CYP19A1: variants seen among roughly 807,000 people sequenced by gnomAD.
CYP19A1 encodes the protein aromatase.
A neutral mutation model predicts 44.4 loss-of-function variants in CYP19A1; 32 were observed. The observed-to-expected ratio is 0.72, with a 90% CI of 0.54 to 0.97. The LOEUF is 0.97. Among genes scored for constraint, CYP19A1 ranks in the 50% least tolerant of loss-of-function variants. The pLI is 0.00. For missense variants in CYP19A1, 598 were observed against 637.8 expected, an observed-to-expected ratio of 0.94 and a Z score of 0.67; for synonymous variants, 212 against 215.6, an observed-to-expected ratio of 0.98 and a Z score of 0.14.
chr15:51,226,366 A>G (rs1268776405), intron 4 of CYP19A1, among the ~76,000 whole-genome samples: 1 of 152,214 alleles, frequency 6.6e-6, no homozygotes, highest in Non-Finnish European at 1.5e-5. Context: ...ATTGAGATCC[A>G]TGTCAGACTT....
intron 3 of CYP19A1, among the ~76,000 whole-genome samples, 178 bp from the exon 4 acceptor site, chr15:51,228,111 G>A (rs888511774): frequency 6.6e-5 from 10 of 152,330 alleles, no homozygotes; most frequent in South Asian, 2.1e-4. Flanking sequence ...TCCTTCTCCA[G>A]TTGAATCATT....
At chr15:51,231,473 C>A (rs2033028369) in intron 3 of CYP19A1, among the ~76,000 whole-genome samples, 1 of 152,164 alleles carries the variant, frequency 6.6e-6, no homozygotes, top group South Asian at 2.1e-4. Context: ...TTAAAATACC[C>A]TTCCCTGAAT....
intron 1 of CYP19A1, among the ~76,000 whole-genome samples, chr15:51,333,448 CT>C (rs767501553): frequency 1.6e-4 from 24 of 152,348 alleles, no homozygotes; most frequent in Non-Finnish European, 2.9e-4. Flanking sequence ...TGCCCAGATA[CT>C]GGTGCCCTCT....
At chr15:51,280,730 C>T (rs568403840) in intron 1 of CYP19A1, among the ~76,000 whole-genome samples, 12 of 152,280 alleles carry the variant, frequency 7.9e-5, no homozygotes, top group African/African-American at 2.6e-4. Flanking sequence ...ACAAATGTTC[C>T]AACTTGAACC....
At chr15:51,270,540 C>G (rs1050323481) in intron 1 of CYP19A1, among the ~76,000 whole-genome samples, 1 of 152,088 alleles carries the variant, frequency 6.6e-6, no homozygotes, top group Non-Finnish European at 1.5e-5. Flanking sequence ...AGCCACTGTT[C>G]TAGGGAAATT....
At chr15:51,313,339 TG>T (rs1368666467) in intron 1 of CYP19A1, among the ~76,000 whole-genome samples, 1 of 152,190 alleles carries the variant, frequency 6.6e-6, no homozygotes, top group Non-Finnish European at 1.5e-5. Context: ...AATAGGAGGC[TG>T]GGGTGGTGGG....
At chr15:51,280,045 C>T (rs1401073892) in intron 1 of CYP19A1, 1 of 152,094 alleles carries the variant, frequency 6.6e-6, no homozygotes, top group East Asian at 1.9e-4. Flanking sequence ...ATGTGACTGG[C>T]TCCCTCCATA....
In CYP19A1 at chr15:51,279,474, G is replaced by T. The variant is rs1366946116; in HGVS notation, c.-38-36524C>A. ...GAAGACCCACAACCAACTTGAATTT[G>T]AAGTAGAGATATATGCCAGAAAAAA... On this transcript the variant is annotated intron_variant, in intron 1 of 9. Transcript: ENST00000396402. Among the ~76,000 whole-genome samples the T allele has an allele frequency of 3.3e-5, 5 of 152,164 alleles. No homozygotes were observed. In the East Asian group the frequency reaches 9.6e-4, roughly 29 times the overall value.
At chr15:51,278,705 G>A (rs1430238504) in intron 1 of CYP19A1, among the ~76,000 whole-genome samples, 1 of 152,188 alleles carries the variant, frequency 6.6e-6, no homozygotes, top group African/African-American at 2.4e-5. Context: ...GGTTCAGGGG[G>A]TGCTTGGGTA....
intron 1 of CYP19A1, among the ~76,000 whole-genome samples, chr15:51,320,072 G>A (rs374765854): frequency 5.3e-5 from 8 of 152,330 alleles, no homozygotes; most frequent in East Asian, 3.9e-4. Context: ...CAGATGTGGA[G>A]ACTCCAATGA....
chr15:51,269,859 A>G (rs1406359075), intron 1 of CYP19A1, among the ~76,000 whole-genome samples: 2 of 152,130 alleles, frequency 1.3e-5, no homozygotes, highest in East Asian at 3.9e-4. Flanking sequence ...GGGGACTGAA[A>G]GCTTTTTGGC....
At chr15:51,333,408 G>C (rs563594437) in intron 1 of CYP19A1, among the ~76,000 whole-genome samples, 21 of 152,236 alleles carry the variant, frequency 1.4e-4, no homozygotes, top group Non-Finnish European at 2.5e-4. Context: ...ACCTCATCCA[G>C]CCAGATCCAT....
chr15:51,246,719 G>A (rs1371151166), intron 1 of CYP19A1, among the ~76,000 whole-genome samples: 1 of 152,148 alleles, frequency 6.6e-6, no homozygotes, highest in Non-Finnish European at 1.5e-5. Context: ...AGGGAGGGGA[G>A]GCAGGCCCTG....
At chr15:51,268,452 T>C (rs1350734008) in intron 1 of CYP19A1, among the ~76,000 whole-genome samples, 1 of 152,154 alleles carries the variant, frequency 6.6e-6, no homozygotes, top group East Asian at 1.9e-4. Flanking sequence ...TGCTGAGCAG[T>C]ACTCAATTGC....
intron 2 of CYP19A1, among the ~76,000 whole-genome samples, chr15:51,237,690 A>T (rs1161403038): frequency 6.6e-6 from 1 of 152,210 alleles, no homozygotes; most frequent in African/African-American, 2.4e-5. Flanking sequence ...GAGTCCCATG[A>T]TCTGGTTTTA....
intron 1 of CYP19A1, among the ~76,000 whole-genome samples, chr15:51,267,328 A>C (rs1420405538): frequency 1.3e-5 from 2 of 152,088 alleles, no homozygotes; most frequent in African/African-American, 4.8e-5. Context: ...GTGCAAAATA[A>C]AAACGCGGGG....
chr15:51,243,074 T>C, intron 1 of CYP19A1, 124 bp from the exon 2 acceptor site: 1 of 708,688 alleles, frequency 1.4e-6, no homozygotes. Flanking sequence ...TGATCAGACA[T>C]TTAGGCAAGA....
chr15:51,310,881 T>G (rs1456834785), intron 1 of CYP19A1, among the ~76,000 whole-genome samples: 1 of 152,158 alleles, frequency 6.6e-6, no homozygotes, highest in Non-Finnish European at 1.5e-5. Context: ...ACCTCCAAGA[T>G]GTGCATGTGT....
chr15:51,245,575 T>C (rs1319336277), intron 1 of CYP19A1, among the ~76,000 whole-genome samples: 1 of 152,020 alleles, frequency 6.6e-6, no homozygotes, highest in Admixed American at 6.5e-5. Flanking sequence ...ACCATCAGAG[T>C]GAACAGGCAA....
Sources: gnomAD v4.1 joint callset for allele counts (sites outside exome capture counted in the v4.1 genomes callset) on GRCh38, gnomAD v4.1.1 for gene constraint, MANE v1.5 for transcripts, NCBI Gene and HGNC (gene_info 2026-07-23, HGNC 2026-07-21) for gene names.